SNTG2: variants seen among roughly 807,000 people sequenced by gnomAD.
The protein encoded by SNTG2 is gamma-2-syntrophin.
SNTG2 carries 74 observed loss-of-function variants against 70.9 expected under a neutral mutation model. The observed-to-expected ratio is 1.04, with a 90% CI of 0.86 to 1.27. SNTG2 has a LOEUF of 1.27. Ranked by LOEUF, SNTG2 falls within the 50% of genes most tolerant of loss-of-function variation. The probability of loss-of-function intolerance (pLI) is 0.00; values close to 1 mark genes in which losing one functional copy is unlikely to be tolerated. For synonymous variants in SNTG2, 278 were observed against 273.8 expected, an observed-to-expected ratio of 1.02 and a Z score of -0.15; for missense variants, 717 against 690.7, an observed-to-expected ratio of 1.04 and a Z score of -0.43.
chr2:1,026,587 C>T (rs1243112602), intron 1 of SNTG2, among the ~76,000 whole-genome samples: 3 of 152,208 alleles, frequency 2.0e-5, no homozygotes, highest in Admixed American at 6.5e-5. Context: ...GATGGCTCTT[C>T]GTGTTTTCCT....
intron 1 of SNTG2, among the ~76,000 whole-genome samples, chr2:1,003,354 G>A (rs1469045097): frequency 6.6e-6 from 1 of 152,140 alleles, no homozygotes; most frequent in East Asian, 1.9e-4. Flanking sequence ...GGTGAGGGAC[G>A]GAGGTTTGCA....
chr2:1,242,063 T>C (rs1213464083), intron 11 of SNTG2, among the ~76,000 whole-genome samples: 9 of 152,222 alleles, frequency 5.9e-5, no homozygotes, highest in Non-Finnish European at 1.3e-4. Flanking sequence ...AGTAGTTTAT[T>C]TGGAAATTGA....
chr2:1,219,199 G>A (rs960474249), intron 9 of SNTG2, among the ~76,000 whole-genome samples: 1 of 152,148 alleles, frequency 6.6e-6, no homozygotes, highest in African/African-American at 2.4e-5. Context: ...CTATGCCCAT[G>A]TCAAGTGCTG....
chr2:1,197,515 A>ATATG (rs71392572), intron 8 of SNTG2, among the ~76,000 whole-genome samples: 3 of 128,320 alleles, frequency 2.3e-5, no homozygotes, highest in South Asian at 2.8e-4. Context: ...ATGTATATAT[A>ATATG]TGTGTGTGTG....
At chr2:1,018,084 G>A (rs1659967854) in intron 1 of SNTG2, among the ~76,000 whole-genome samples, 1 of 152,204 alleles carries the variant, frequency 6.6e-6, no homozygotes, top group Admixed American at 6.5e-5. Context: ...CATGGAGTTA[G>A]TTAGCAAAAT....
intron 13 of SNTG2, among the ~76,000 whole-genome samples, chr2:1,260,810 T>C (rs1190814405): frequency 1.3e-5 from 2 of 152,206 alleles, no homozygotes; most frequent in African/African-American, 4.8e-5. Flanking sequence ...CTTGGCCTTT[T>C]TGTTTCCTTC....
chr2:1,098,927 A>C (rs773785972), intron 4 of SNTG2, among the ~76,000 whole-genome samples: 3 of 152,222 alleles, frequency 2.0e-5, no homozygotes, highest in Non-Finnish European at 4.4e-5. Flanking sequence ...AACACTGGCT[A>C]TGGGAATAAT....
intron 9 of SNTG2, among the ~76,000 whole-genome samples, chr2:1,216,569 A>G (rs1383746492): frequency 2.0e-5 from 3 of 152,194 alleles, no homozygotes; most frequent in East Asian, 3.9e-4. Flanking sequence ...ATTAGATCCC[A>G]TTAGTTTAAT....
chr2:1,341,731 G>C (rs1314486328), intron 16 of SNTG2: 1 of 152,226 alleles, frequency 6.6e-6, no homozygotes, highest in Admixed American at 6.5e-5. Flanking sequence ...GACAAGGCTG[G>C]AGGGACCTTG....
At chr2:1,145,500 C>G (rs1247001493) in intron 6 of SNTG2, among the ~76,000 whole-genome samples, 8 of 152,142 alleles carry the variant, frequency 5.3e-5, no homozygotes, top group Non-Finnish European at 4.4e-5. Context: ...TCTGCAAAAA[C>G]TTACACAATA....
intron 16 of SNTG2, chr2:1,346,303 A>AG (rs1353681687): frequency 3.9e-5 from 6 of 152,558 alleles, no homozygotes; most frequent in African/African-American, 1.2e-4. Context: ...AACTCCTGAG[A>AG]GCCCCCCGCA....
intron 12 of SNTG2, among the ~76,000 whole-genome samples, chr2:1,259,101 T>C (rs776834707): frequency 2.0e-5 from 3 of 152,204 alleles, no homozygotes; most frequent in Non-Finnish European, 4.4e-5. Context: ...TAGATATCAA[T>C]CTTATCTATC....
rs1558282281 is a variant in SNTG2 at position 965,111 on chromosome 2, CCCCA to C, written c.72+14044_72+14047del. Among the ~76,000 whole-genome samples, 4 of 150,616 alleles carry C rather than the reference CCCCA, an allele frequency of 2.7e-5. No homozygotes were observed. In the East Asian group the frequency reaches 6.1e-4, roughly 23 times the overall value. On this transcript the variant is annotated intron_variant, in intron 1 of 16. Transcript: ENST00000308624. ...CTGGACTCCAGTTCTCCTCCTTGGA[CCCCA>C]GTCCTCCTCCTTGGACCCCAATCCT...
At chr2:1,334,424 C>T (rs1659693022) in intron 16 of SNTG2, among the ~76,000 whole-genome samples, 1 of 152,100 alleles carries the variant, frequency 6.6e-6, no homozygotes, top group Admixed American at 6.5e-5. Flanking sequence ...GCCATTTGAT[C>T]CAGCAACCCC....
At position 1,085,007 on chromosome 2, in the gene SNTG2, C is replaced by T. The variant is rs1002141763; in HGVS notation, c.210+1352C>T. On this transcript the variant is annotated intron_variant, in intron 2 of 16. Coordinates refer to ENST00000308624, the MANE Select transcript of SNTG2 (RefSeq NM_018968.4). Reference sequence around the variant, plus strand: ...GGGGGAGACACAGACATCCCAACCACGGCCTCTGCGTTCAAGAGGCCACTG... The same window carrying T: ...GGGGGAGACACAGACATCCCAACCATGGCCTCTGCGTTCAAGAGGCCACTG... Among the ~76,000 whole-genome samples the T allele has an allele frequency of 2.6e-5, 4 of 152,330 alleles. 1 individual carries two copies. The highest frequency in any genetic ancestry group is 2.6e-4 in the Admixed American group (4 of 15,302).
In SNTG2 at chr2:1,001,750, A is replaced by G. The variant is rs1243204179; in HGVS notation, c.72+50682A>G. Among the ~76,000 whole-genome samples the G allele has an allele frequency of 2.6e-5, 4 of 152,040 alleles. No homozygotes were observed. The East Asian group carries it at 7.7e-4, about 29-fold the overall frequency. ...CAAAATATTAATATCATTTTTTAAA[A>G]GATTAGAAAAAAAGTCCTAAAATCC... On this transcript the variant is annotated intron_variant, in intron 1 of 16. Transcript: ENST00000308624.
chr2:1,250,975 G>C (rs1677719417), intron 12 of SNTG2, among the ~76,000 whole-genome samples: 1 of 152,192 alleles, frequency 6.6e-6, no homozygotes, highest in Non-Finnish European at 1.5e-5. Flanking sequence ...CTTATTTCTA[G>C]TAATTTCTGC....
At chr2:971,516 C>T (rs1660738898) in intron 1 of SNTG2, among the ~76,000 whole-genome samples, 1 of 151,538 alleles carries the variant, frequency 6.6e-6, no homozygotes, top group African/African-American at 2.4e-5. Context: ...TTTGTCATTT[C>T]TGATTGTTTT....
chr2:1,079,979 G>A (rs1202929664), intron 1 of SNTG2, among the ~76,000 whole-genome samples: 1 of 152,184 alleles, frequency 6.6e-6, no homozygotes, highest in African/African-American at 2.4e-5. Flanking sequence ...CACTGTGGAC[G>A]CTGCTCACCA....
Sources: allele counts gnomAD v4.1 joint callset (sites outside exome capture counted in the v4.1 genomes callset), GRCh38; gene constraint gnomAD v4.1.1; transcripts MANE v1.5; gene names NCBI Gene and HGNC (gene_info 2026-07-23, HGNC 2026-07-21).